Variants in AACS observed in about 807,000 individuals in gnomAD.
AACS encodes acetoacetyl-CoA synthetase.
In AACS, 69 loss-of-function variants were observed where a neutral mutation model predicts 83.1. That is an observed-to-expected ratio of 0.83 (90% confidence interval 0.68 to 1.01). The LOEUF is 1.01. AACS is among the 50% of genes least tolerant of loss of function. The pLI is 0.00. For missense variants in AACS, 866 were observed against 882.2 expected (o/e 0.98, Z 0.23); for synonymous variants, 333 against 343.4 (o/e 0.97, Z 0.33).
Position 125,066,106 on chromosome 12 carries a change from C to T in AACS, c.133+389C>T, listed in dbSNP as rs1955683668. On this transcript the variant is annotated intron_variant, in intron 1 of 17. Coordinates refer to ENST00000316519, the MANE Select transcript of AACS (RefSeq NM_023928.5). ...AGGGCCTTTTTGACTTGCAGCTCTT[C>T]CTCTGTTTGTGGGGGTCCCTTGCCA... Among the ~76,000 whole-genome samples the T allele has an allele frequency of 3.3e-5, 5 of 152,166 alleles. No individual in the cohort carries two copies. In the South Asian group the frequency reaches 1.0e-3, roughly 32 times the overall value.
At chr12:125,075,062 A>G (rs759269308) in intron 2 of AACS, among the ~76,000 whole-genome samples, 1 of 134,440 alleles carries the variant, frequency 7.4e-6, no homozygotes, top group Non-Finnish European at 1.6e-5. Flanking sequence ...GCAACCTTCA[A>G]CTCCCTGGTT....
chr12:125,134,294 C>T (rs1957369584), intron 15 of AACS, among the ~76,000 whole-genome samples: 1 of 152,240 alleles, frequency 6.6e-6, no homozygotes, highest in African/African-American at 2.4e-5. Flanking sequence ...TGTGCCTGTG[C>T]ACACACCATC....
At chr12:125,086,622 A>G (rs1956345335) in intron 4 of AACS, among the ~76,000 whole-genome samples, 179 bp downstream of exon 4, 1 of 152,226 alleles carries the variant, frequency 6.6e-6, no homozygotes, top group Admixed American at 6.5e-5. Flanking sequence ...CTGAAAGAAT[A>G]TGCTGCTCTG....
intron 5 of AACS, among the ~76,000 whole-genome samples, chr12:125,093,215 G>A (rs1278167780): frequency 6.6e-6 from 1 of 152,254 alleles, no homozygotes; most frequent in Non-Finnish European, 1.5e-5. Context: ...GGAGAGCCGT[G>A]TGTGGCAGGG....
At chr12:125,082,122 G>A (rs919324825) in intron 3 of AACS, among the ~76,000 whole-genome samples, 4 of 151,108 alleles carry the variant, frequency 2.6e-5, no homozygotes, top group Admixed American at 6.6e-5. Context: ...TGATCTGCCC[G>A]CCTCCCAAAG....
intron 1 of AACS, among the ~76,000 whole-genome samples, chr12:125,072,914 C>CTT (rs1468407659): frequency 2.7e-5 from 3 of 112,196 alleles, no homozygotes; most frequent in African/African-American, 1.0e-4. Context: ...TACCATGTAA[C>CTT]TTTTGTTTTT....
rs533815564 is a variant in AACS at position 125,128,239 on chromosome 12, A to G, written c.1388A>G (p.Asn463Ser). ...TATAAAGGGGAGATTCAGGCCCGGA[A>G]CCTGGGCATGGCCGTGGAAGCGTGG... Reference protein sequence around the residue: ...PVYKGEIQARNLGMAVEAWNE... With the variant: ...PVYKGEIQARSLGMAVEAWNE... The change falls in exon 13 of 18, where the codon AAC (asparagine) becomes AGC (serine). Residue 463 changes from asparagine to serine, a missense_variant. Asn to Ser is a conservative substitution (Grantham distance 46, BLOSUM62 1). Transcript: ENST00000316519. 2.1e-5 allele frequency: 34 copies of G among 1,613,088 alleles called. 1 individual carries two copies. The South Asian group carries it at 3.6e-4, about 17-fold the overall frequency.
chr12:125,134,872 G>A lies in AACS; in HGVS notation c.1678+20G>A. On this transcript the variant is annotated intron_variant, in intron 16 of 17. Transcript: ENST00000316519. Reference sequence around the variant, plus strand: ...ACATTGGTACGTGCTTCCCCTCCCTGAGCGTTCTCCAGTCTCCAGGAAGGA... The same window carrying A: ...ACATTGGTACGTGCTTCCCCTCCCTAAGCGTTCTCCAGTCTCCAGGAAGGA... 1 of 1,613,986 alleles carries A rather than the reference G, an allele frequency of 6.2e-7. No individual in the cohort carries two copies.
chr12:125,071,667 C>T (rs1352671529), intron 1 of AACS, among the ~76,000 whole-genome samples: 1 of 152,038 alleles, frequency 6.6e-6, no homozygotes, highest in African/African-American at 2.4e-5. Context: ...TCTGAAGAGT[C>T]GCATTTGATG....
chr12:125,114,842 G>A (rs1424349163), intron 9 of AACS, among the ~76,000 whole-genome samples: 9 of 147,218 alleles, frequency 6.1e-5, no homozygotes, highest in Admixed American at 1.3e-4. Context: ...GCGCCGGCCC[G>A]TGGCACATGG....
chr12:125,111,685 T>G (rs767957344), intron 8 of AACS, among the ~76,000 whole-genome samples: 3 of 152,204 alleles, frequency 2.0e-5, no homozygotes, highest in Non-Finnish European at 4.4e-5. Flanking sequence ...GTTACTGGTT[T>G]GTTGGTTTGT....
At position 125,113,682 on chromosome 12, in the gene AACS, A is replaced by G. The variant is rs779081176; in HGVS notation, c.916-795A>G. On this transcript the variant is annotated intron_variant, in intron 8 of 17. Coordinates refer to ENST00000316519, the MANE Select transcript of AACS (RefSeq NM_023928.5). This position sits in a 1 kb window ranked among gnomAD's most constrained non-coding sequence, Gnocchi z 4.8. The stretch of plus-strand genomic sequence containing the variant: ...AGGTGGAAAAGGCAAAGTGCGGGAC[A>G]CTGTGTCACAATGAACAAAATGGCA... Among the ~76,000 whole-genome samples, 16 of 152,212 alleles carry G rather than the reference A, an allele frequency of 1.1e-4. No individual in the cohort carries two copies. Among genetic ancestry groups the G allele is most frequent in the Non-Finnish European group, 2.1e-4 (14 of 68,042 alleles).
intron 5 of AACS, among the ~76,000 whole-genome samples, chr12:125,099,708 A>G (rs1341054671): frequency 6.6e-6 from 1 of 152,162 alleles, no homozygotes; most frequent in Non-Finnish European, 1.5e-5. Context: ...TTTGTTTGAG[A>G]TGGAGTCTCG....
At chr12:125,125,146 G>C in intron 12 of AACS, 122 bp downstream of exon 12, 1 of 1,426,030 alleles carries the variant, frequency 7.0e-7, no homozygotes, top group Non-Finnish European at 9.5e-7. Context: ...AATACGCACA[G>C]TCCCTTCTCA....
intron 5 of AACS, chr12:125,102,161 C>G (rs1196047729): frequency 6.5e-6 from 1 of 154,616 alleles, no homozygotes. Flanking sequence ...AGCGATTCTC[C>G]TGCGTCAGCC....
intron 5 of AACS, among the ~76,000 whole-genome samples, chr12:125,100,024 A>G (rs185463482): frequency 5.3e-5 from 8 of 151,720 alleles, no homozygotes; most frequent in Admixed American, 2.6e-4. Context: ...GCTTACTTTT[A>G]TTTTATTTTA....
intron 9 of AACS, 101 bp from the exon 10 acceptor site, chr12:125,118,540 T>C: frequency 2.7e-6 from 4 of 1,507,548 alleles, no homozygotes; most frequent in Non-Finnish European, 3.6e-6. Context: ...AACCTGTGGC[T>C]CCATCTTAGG....
chr12:125,129,441 G>A lies in AACS; in HGVS notation c.1530G>A (p.Ala510=), dbSNP rs780822313. The part of the protein sequence containing the change: ...NDENGNKYRK[A]YFSKFPGIWA... ...AGAACGGCAACAAGTACAGGAAGGC[G>A]TATTTCTCCAAATTCCCAGGTCGGT... Residue 510 remains alanine (A), a synonymous_variant, in exon 14 of 18, where the codon GCG becomes GCA. Coordinates refer to ENST00000316519, the MANE Select transcript of AACS (RefSeq NM_023928.5). The surrounding 1 kb of genome is among the most constrained non-coding windows in gnomAD (Gnocchi z 4.3). The A allele has an allele frequency of 4.3e-5, 70 of 1,613,626 alleles. 1 individual carries two copies. The Admixed American group carries it at 1.1e-3, about 24-fold the overall frequency.
At chr12:125,133,539 T>C (rs528647431) in intron 14 of AACS, among the ~76,000 whole-genome samples, 1 of 152,364 alleles carries the variant, frequency 6.6e-6, no homozygotes, top group African/African-American at 2.4e-5. Context: ...CTCGGACTGG[T>C]GCAGTAGCCT....
Sources: allele counts gnomAD v4.1 joint callset (sites outside exome capture counted in the v4.1 genomes callset), GRCh38; gene constraint gnomAD v4.1.1; non-coding constraint Gnocchi (gnomAD v3.1); transcripts MANE v1.5; gene names NCBI Gene and HGNC (gene_info 2026-07-23, HGNC 2026-07-21).